The following TRUB1 variants were observed in gnomAD, a reference collection of about 807,000 sequenced individuals.
The protein encoded by TRUB1 is TruB pseudouridine synthase family member 1, also known as pseudouridylate synthase TRUB1.
In TRUB1, 23 loss-of-function variants were observed where a neutral mutation model predicts 33.9. The observed-to-expected ratio is 0.68, with a 90% CI of 0.49 to 0.96. The LOEUF (loss-of-function observed/expected upper bound fraction) is 0.96. TRUB1 is among the 40% of genes least tolerant of loss of function. TRUB1 has a pLI of 0.00. For synonymous variants in TRUB1, 163 were observed against 165.4 expected (o/e 0.99, Z 0.11); for missense variants, 378 against 422.2 (o/e 0.90, Z 0.92).
chr10:114,942,721 C>T lies in TRUB1; in HGVS notation c.363C>T (p.Asp121=). 1.9e-6 allele frequency: 3 copies of T among 1,613,676 alleles called. No homozygotes were observed. The highest frequency in any genetic ancestry group is 2.5e-6 in the Non-Finnish European group (3 of 1,179,640). ...TLKIGHGGTL[D]SAARGVLVVG... ...AAATTGGGCATGGAGGGACTCTAGA[C>T]AGCGCAGCCCGAGGAGTTCTGGGTA... The change falls in exon 2 of 8, where the codon GAC becomes GAT. Residue 121 remains aspartate (D), a synonymous_variant. Coordinates refer to ENST00000298746, the MANE Select transcript of TRUB1 (RefSeq NM_139169.5).
intron 4 of TRUB1, among the ~76,000 whole-genome samples, chr10:114,965,706 G>A (rs1450343141): frequency 1.3e-5 from 2 of 152,034 alleles, no homozygotes; most frequent in African/African-American, 4.8e-5. Context: ...TGTTAGGAAG[G>A]TTTTAAACTA....
intron 7 of TRUB1, 102 bp downstream of exon 7, chr10:114,974,487 T>G: frequency 1.1e-6 from 1 of 951,264 alleles, no homozygotes; most frequent in Non-Finnish European, 1.6e-6. Context: ...GTACTGGCCT[T>G]AGGAACTGAA....
At chr10:114,973,507 C>G (rs959976658) in intron 6 of TRUB1, among the ~76,000 whole-genome samples, 1 of 152,130 alleles carries the variant, frequency 6.6e-6, no homozygotes, top group Admixed American at 6.5e-5. Context: ...TTAAAATCCC[C>G]AGGTGGTGAG....
chr10:114,965,141 G>A (rs1035383703), intron 4 of TRUB1, among the ~76,000 whole-genome samples: 1 of 151,940 alleles, frequency 6.6e-6, no homozygotes, highest in African/African-American at 2.4e-5. Flanking sequence ...GTGTTAGCCA[G>A]GATGGTCTCA....
intron 4 of TRUB1, among the ~76,000 whole-genome samples, chr10:114,961,852 T>C (rs975050433): frequency 6.6e-6 from 1 of 152,212 alleles, no homozygotes; most frequent in East Asian, 1.9e-4. Context: ...GAACTTACTG[T>C]CTAATGGAGA....
At chr10:114,951,044 AC>A (rs762064342) in intron 2 of TRUB1, 49 bp from the exon 3 acceptor site, 112 of 1,504,798 alleles carry the variant, frequency 7.4e-5, no homozygotes, top group Non-Finnish European at 9.9e-5. Flanking sequence ...TATTTTAAAA[AC>A]CTAGTTTTCA....
chr10:114,940,284 G>C (rs112134573), intron 1 of TRUB1, among the ~76,000 whole-genome samples: 15,892 of 152,104 alleles, frequency 0.1, 1,687 homozygotes, highest in African/African-American at 0.27. Flanking sequence ...ACCATGCCCA[G>C]CTAATTTTGT....
Position 114,975,415 on chromosome 10 carries a change from A to G in TRUB1, c.*36A>G, listed in dbSNP as rs756392899. On this transcript the variant is annotated 3_prime_UTR_variant, in exon 8 of 8. Coordinates refer to ENST00000298746, the MANE Select transcript of TRUB1 (RefSeq NM_139169.5). Reference sequence around the variant, plus strand: ...GGAATATCATCATTTTCTAGTTGACATTTGAATCCTGTGTGCAGATGCAGA... The same window carrying G: ...GGAATATCATCATTTTCTAGTTGACGTTTGAATCCTGTGTGCAGATGCAGA... 2.9e-5 allele frequency: 44 copies of G among 1,507,638 alleles called. No individual in the cohort carries two copies. The highest frequency in any genetic ancestry group is 3.9e-5 in the Non-Finnish European group (44 of 1,127,786). The allele number at this position is 1,507,638 out of a possible 1,614,324, so 93.4% of individuals were successfully genotyped here. A position where few individuals can be genotyped will look rare whatever the true frequency, so the allele number is the denominator to read the frequency against.
At chr10:114,938,635 G>A in intron 1 of TRUB1, 96 bp downstream of exon 1, 2 of 1,309,110 alleles carry the variant, frequency 1.5e-6, no homozygotes, top group Non-Finnish European at 2.0e-6. Flanking sequence ...AGAGACAAAA[G>A]GAGGGGAAAG....
intron 3 of TRUB1, among the ~76,000 whole-genome samples, chr10:114,951,614 A>C (rs2084235585): frequency 6.6e-6 from 1 of 152,230 alleles, no homozygotes. Flanking sequence ...CATATATGAG[A>C]GTAACCTTGA....
chr10:114,959,494 A>C (rs1189057854), intron 3 of TRUB1, among the ~76,000 whole-genome samples: 1 of 152,216 alleles, frequency 6.6e-6, no homozygotes, highest in Non-Finnish European at 1.5e-5. Flanking sequence ...AATTATCAAT[A>C]AAATCAGGTT....
chr10:114,939,161 T>C (rs1007244111), intron 1 of TRUB1, among the ~76,000 whole-genome samples: 1 of 152,192 alleles, frequency 6.6e-6, no homozygotes, highest in Non-Finnish European at 1.5e-5. Flanking sequence ...TAAATATAAC[T>C]TGGCCACTAA....
intron 2 of TRUB1, among the ~76,000 whole-genome samples, chr10:114,947,013 C>A (rs1248522445): frequency 6.6e-6 from 1 of 152,046 alleles, no homozygotes; most frequent in East Asian, 1.9e-4. Context: ...TCCAAGTGGA[C>A]CCAATGTAAT....
At chr10:114,968,843 AT>A (rs1440964012) in intron 4 of TRUB1, among the ~76,000 whole-genome samples, 1 of 152,230 alleles carries the variant, frequency 6.6e-6, no homozygotes, top group Non-Finnish European at 1.5e-5. Context: ...TGGAAGAATA[AT>A]TCAAAGCATA....
chr10:114,938,487 A>G lies in TRUB1; in HGVS notation c.234A>G (p.Lys78=), dbSNP rs2084170323. 3 of 1,581,628 alleles carry G rather than the reference A, an allele frequency of 1.9e-6. No individual in the cohort carries two copies. Among genetic ancestry groups the G allele is most frequent in the African/African-American group, 1.4e-5 (1 of 73,516 alleles). ...GCGTGTTCGCCGTGCACAAGCCCAA[A>G]GGGCCCACTTCAGCCGAGCTGCTGA... ...LSGVFAVHKP[K]GPTSAELLNR... Residue 78 remains lysine (K), a synonymous_variant, in exon 1 of 8, where the codon AAA becomes AAG. Coordinates refer to ENST00000298746, the MANE Select transcript of TRUB1 (RefSeq NM_139169.5).
chr10:114,972,831 A>T (rs754917742), intron 6 of TRUB1, among the ~76,000 whole-genome samples: 1 of 152,168 alleles, frequency 6.6e-6, no homozygotes, highest in East Asian at 1.9e-4. Context: ...CACATTTTTA[A>T]TTCAAGTTAT....
chr10:114,964,426 G>T (rs1307840139), intron 4 of TRUB1, among the ~76,000 whole-genome samples: 1 of 151,950 alleles, frequency 6.6e-6, no homozygotes, highest in African/African-American at 2.4e-5. Flanking sequence ...ATATAGTCTG[G>T]ATATGTTCTC....
intron 3 of TRUB1, among the ~76,000 whole-genome samples, chr10:114,952,512 G>GATAGATAC (rs1425822013): frequency 6.6e-6 from 1 of 152,114 alleles, no homozygotes; most frequent in African/African-American, 2.4e-5. Flanking sequence ...TAGGTAGGTA[G>GATAGATAC]ATAGATACAT....
chr10:114,949,259 G>A (rs2084223813), intron 2 of TRUB1, among the ~76,000 whole-genome samples: 1 of 152,178 alleles, frequency 6.6e-6, no homozygotes. Context: ...CATAGTAGTT[G>A]TTCAAGAAAA....
Sources: gnomAD v4.1 joint callset for allele counts (sites outside exome capture counted in the v4.1 genomes callset) on GRCh38, gnomAD v4.1.1 for gene constraint, MANE v1.5 for transcripts, NCBI Gene and HGNC (gene_info 2026-07-23, HGNC 2026-07-21) for gene names.